Variants in PTPRT observed in about 807,000 individuals in gnomAD.
The protein encoded by PTPRT is receptor-type tyrosine-protein phosphatase T.
A neutral mutation model predicts 176.8 loss-of-function variants in PTPRT; 56 were observed. The observed-to-expected ratio is 0.32, with a 90% CI of 0.26 to 0.40. The LOEUF (loss-of-function observed/expected upper bound fraction) is 0.40, where lower values mean the gene tolerates loss of function less well. Ranked by LOEUF, PTPRT falls within the 10% of genes least tolerant of loss-of-function variation. PTPRT has a pLI of 1.00. For synonymous variants in PTPRT, 783 were observed against 739.0 expected (o/e 1.06, Z -0.96); for missense variants, 1,540 against 1,908.2 (o/e 0.81, Z 3.60).
At chr20:42,629,223 G>T (rs527270104) in intron 7 of PTPRT, among the ~76,000 whole-genome samples, 7 of 151,840 alleles carry the variant, frequency 4.6e-5, no homozygotes, top group African/African-American at 1.7e-4. Context: ...TAATTATAGA[G>T]ACGAGTGTTG....
chr20:42,467,728 T>C (rs931618594), intron 8 of PTPRT, among the ~76,000 whole-genome samples: 4 of 149,066 alleles, frequency 2.7e-5, no homozygotes, highest in African/African-American at 7.8e-5. Context: ...ATCATGTAGA[T>C]ATAAGATACA....
intron 11 of PTPRT, among the ~76,000 whole-genome samples, chr20:42,344,294 T>A (rs4812588): frequency 6.6e-6 from 1 of 152,030 alleles, no homozygotes. Flanking sequence ...TTCCCATTTA[T>A]CGACAAGCAA....
At chr20:42,383,190 G>A (rs921903675) in intron 9 of PTPRT, among the ~76,000 whole-genome samples, 3 of 152,134 alleles carry the variant, frequency 2.0e-5, no homozygotes, top group Admixed American at 6.5e-5. Flanking sequence ...CAGAGCACAG[G>A]ACTTCTGAAA....
intron 9 of PTPRT, among the ~76,000 whole-genome samples, chr20:42,403,271 C>A (rs2058928798): frequency 2.0e-5 from 3 of 152,128 alleles, no homozygotes; most frequent in South Asian, 2.1e-4. Context: ...CCATGGTATG[C>A]AAATACCATC....
intron 7 of PTPRT, among the ~76,000 whole-genome samples, chr20:42,660,795 A>G (rs1366057801): frequency 6.6e-6 from 1 of 152,202 alleles, no homozygotes; most frequent in African/African-American, 2.4e-5. Flanking sequence ...ACACACAGAT[A>G]AGTAGACAAC....
At chr20:42,629,907 A>G (rs909455546) in intron 7 of PTPRT, among the ~76,000 whole-genome samples, 5 of 152,226 alleles carry the variant, frequency 3.3e-5, no homozygotes, top group African/African-American at 1.2e-4. Context: ...GTTAGAGTCC[A>G]CAACTGCTAC....
chr20:42,572,961 C>CTT (rs76184453), intron 7 of PTPRT, among the ~76,000 whole-genome samples: 101 of 140,222 alleles, frequency 7.2e-4, no homozygotes, highest in South Asian at 1.8e-3. Flanking sequence ...AATTGATAGC[C>CTT]TTTTTTTTTT....
intron 15 of PTPRT, among the ~76,000 whole-genome samples, chr20:42,205,832 A>G (rs2055444195): frequency 6.6e-6 from 1 of 152,142 alleles, no homozygotes; most frequent in Admixed American, 6.6e-5. Flanking sequence ...CAAAAAAAAA[A>G]TTCACAAGTG....
At chr20:42,161,779 T>G (rs192933882) in intron 16 of PTPRT, among the ~76,000 whole-genome samples, 1 of 152,326 alleles carries the variant, frequency 6.6e-6, no homozygotes, top group East Asian at 1.9e-4. Flanking sequence ...GGGCACAGAC[T>G]GATAAAGTTC....
At chr20:43,109,485 C>G (rs1247351278) in intron 1 of PTPRT, among the ~76,000 whole-genome samples, 2 of 152,118 alleles carry the variant, frequency 1.3e-5, no homozygotes, top group African/African-American at 4.8e-5. Flanking sequence ...TTTAGTCCCT[C>G]AAGATTTGAT....
At chr20:42,400,450 T>C (rs1394943159) in intron 9 of PTPRT, among the ~76,000 whole-genome samples, 1 of 152,152 alleles carries the variant, frequency 6.6e-6, no homozygotes, top group African/African-American at 2.4e-5. Context: ...GGTATTTAAA[T>C]GACTTCTACA....
chr20:42,477,990 T>C (rs2071320134), intron 7 of PTPRT, among the ~76,000 whole-genome samples: 1 of 152,200 alleles, frequency 6.6e-6, no homozygotes, highest in Non-Finnish European at 1.5e-5. Context: ...CTCTCCCTTC[T>C]GGTCCAGGCT....
chr20:42,701,072 G>T (rs989593087), intron 6 of PTPRT, among the ~76,000 whole-genome samples: 1 of 127,046 alleles, frequency 7.9e-6, no homozygotes, highest in African/African-American at 3.8e-5. Context: ...AATTCCCTCT[G>T]GCTCTCCACC....
At chr20:42,314,893 G>T (rs2057693252) in intron 12 of PTPRT, among the ~76,000 whole-genome samples, 1 of 151,396 alleles carries the variant, frequency 6.6e-6, no homozygotes, top group African/African-American at 2.4e-5. Context: ...AGATAAATGA[G>T]TTCTCTGTCA....
At chr20:42,943,418 C>T (rs1350920721) in intron 1 of PTPRT, among the ~76,000 whole-genome samples, 12 of 152,134 alleles carry the variant, frequency 7.9e-5, no homozygotes, top group Non-Finnish European at 1.5e-4. Flanking sequence ...TAAAGTTGAG[C>T]GGGTGCAGGG....
At chr20:42,765,246 G>A (rs575991398) in intron 5 of PTPRT, among the ~76,000 whole-genome samples, 3 of 152,204 alleles carry the variant, frequency 2.0e-5, no homozygotes, top group African/African-American at 7.2e-5. Flanking sequence ...CTGAGAGTCA[G>A]CTCCATGGTG....
intron 1 of PTPRT, among the ~76,000 whole-genome samples, chr20:43,128,054 C>G (rs1236323138): frequency 6.6e-6 from 1 of 152,176 alleles, no homozygotes; most frequent in African/African-American, 2.4e-5. Flanking sequence ...GCGGTTATGG[C>G]TTTGATTGGA....
intron 7 of PTPRT, among the ~76,000 whole-genome samples, chr20:42,500,751 C>G (rs2071737818): frequency 6.6e-6 from 1 of 152,030 alleles, no homozygotes; most frequent in Admixed American, 6.6e-5. Flanking sequence ...TAAGAAAGTT[C>G]TTTTCTATTC....
At chr20:42,505,249 G>A (rs1415472895) in intron 7 of PTPRT, among the ~76,000 whole-genome samples, 1 of 152,054 alleles carries the variant, frequency 6.6e-6, no homozygotes, top group African/African-American at 2.4e-5. Context: ...TTATTGGACA[G>A]CCTCCACCAA....
Sources: gnomAD v4.1 joint callset for allele counts (sites outside exome capture counted in the v4.1 genomes callset) on GRCh38, gnomAD v4.1.1 for gene constraint, MANE v1.5 for transcripts, NCBI Gene and HGNC (gene_info 2026-07-23, HGNC 2026-07-21) for gene names.